GAMT: variants seen among roughly 807,000 people sequenced by gnomAD.
GAMT encodes guanidinoacetate N-methyltransferase, also known as epididymis secretory protein Li 20.
A neutral mutation model predicts 26.9 loss-of-function variants in GAMT; 26 were observed. The observed-to-expected ratio is 0.97, with a 90% CI of 0.71 to 1.34. GAMT has a LOEUF of 1.34. Among genes scored for constraint, GAMT ranks in the 40% most tolerant of loss-of-function variants. The pLI is 0.00. For missense variants in GAMT, 412 were observed against 345.0 expected (o/e 1.19, Z -1.54); for synonymous variants, 169 against 149.6 (o/e 1.13, Z -0.95).
rs2082620041 is a variant in GAMT, at chr19:1,399,416, C to G, written c.391+108G>C. On this transcript the variant is annotated intron_variant, in intron 3 of 5. Transcript: ENST00000252288. This position sits in a 1 kb window ranked among gnomAD's most constrained non-coding sequence, Gnocchi z 6.2. Reference sequence around the variant, plus strand: ...CATCCCACAGCCAGGCCCACACCCACTTGGGCTCTGTCCCCCCAGTGCACA... The same window carrying G: ...CATCCCACAGCCAGGCCCACACCCAGTTGGGCTCTGTCCCCCCAGTGCACA... 4.3e-6 allele frequency: 5 copies of G among 1,161,190 alleles called. No individual in the cohort carries two copies. Among genetic ancestry groups the G allele is most frequent in the Middle Eastern group, 2.6e-4 (1 of 3,914 alleles). 71.9% of individuals were successfully genotyped at this position (1,161,190 alleles called of 1,614,324 possible). A position where few individuals can be genotyped will look rare whatever the true frequency, so the allele number is the denominator to read the frequency against.
rs1044243937 is a variant in GAMT at position 1,399,678 on chromosome 19, C to T, written c.328-91G>A. On this transcript the variant is annotated intron_variant, in intron 2 of 5. Transcript: ENST00000252288. The surrounding 1 kb of genome is among the most constrained non-coding windows in gnomAD (Gnocchi z 6.2). ...GAAAGGGAGCGGCCAGGGGGACTCC[C>T]GAGAGAGAAGACCACCTCCTCCACC... is the stretch of plus-strand genomic sequence containing the variant. 13 of 1,526,534 alleles carry T rather than the reference C, an allele frequency of 8.5e-6. No individual in the cohort carries two copies. Among genetic ancestry groups the T allele is most frequent in the Middle Eastern group, 1.7e-4 (1 of 5,904 alleles). The allele number at this position is 1,526,534 out of a possible 1,614,324, so 94.6% of individuals were successfully genotyped here.
chr19:1,398,168 G>C, intron 5 of GAMT: 1 of 818,796 alleles, frequency 1.2e-6, no homozygotes, highest in Non-Finnish European at 1.5e-6. Flanking sequence ...TGCAATCTCG[G>C]CTCACAGCAA....
In GAMT at chr19:1,397,117, G is replaced by A. The variant is rs748027299; in HGVS notation, c.*242C>T. On this transcript the variant is annotated 3_prime_UTR_variant, in exon 6 of 6. Transcript: ENST00000252288. ...CTGCCGACTGGCCAAGCCCAGCGCCGGCGTTTACTTCACCTCAGGGACCCT... is the reference window on the plus strand; with the variant it reads ...CTGCCGACTGGCCAAGCCCAGCGCCAGCGTTTACTTCACCTCAGGGACCCT... 14 of 539,318 alleles carry A rather than the reference G, an allele frequency of 2.6e-5. No individual in the cohort carries two copies. The highest frequency in any genetic ancestry group is 5.0e-4 in the Middle Eastern group (1 of 2,020). 33.4% of individuals were successfully genotyped at this position (539,318 alleles called of 1,614,324 possible). A position where few individuals can be genotyped will look rare whatever the true frequency, so the allele number is the denominator to read the frequency against.
Position 1,399,546 on chromosome 19 carries a change from G to T in GAMT, c.369C>A (p.Thr123=). Residue 123 remains threonine, a synonymous_variant, in exon 3 of 6, where the codon ACC becomes ACA. Transcript: ENST00000252288. This position sits in a 1 kb window ranked among gnomAD's most constrained non-coding sequence, Gnocchi z 6.2. The stretch of plus-strand genomic sequence containing the variant: ...CACCATCAAAGTGACCGTCAGGCAG[G>T]GTGGGTGCCACATCCTCCCACAGGC... ...LKGLWEDVAP[T]LPDGHFDGIL... is the part of the protein sequence containing the mutation. 2 of 1,613,212 alleles carry T rather than the reference G, an allele frequency of 1.2e-6. No individual in the cohort carries two copies. Among genetic ancestry groups the T allele is most frequent in the Non-Finnish European group, 1.7e-6 (2 of 1,179,820 alleles).
At chr19:1,398,181 T>C in intron 5 of GAMT, 3 of 678,350 alleles carry the variant, frequency 4.4e-6, no homozygotes, top group East Asian at 1.3e-4. Flanking sequence ...CACAGCAACC[T>C]CCGCCTCCCA....
At position 1,398,752 on chromosome 19, in the gene GAMT, G is replaced by A. The variant is rs758431841; in HGVS notation, c.570+164C>T. 4.7e-5 allele frequency: 72 copies of A among 1,547,374 alleles called. 1 individual carries two copies. The East Asian group carries it at 1.4e-3, about 31-fold the overall frequency. ...AGCCACTGCTCCTGGCAGCCACTGC[G>A]CCAGGCAAAGGACTTTGATTTCTAA... is the stretch of plus-strand genomic sequence containing the variant. On this transcript the variant is annotated intron_variant, in intron 5 of 5. Coordinates refer to ENST00000252288, the MANE Select transcript of GAMT (RefSeq NM_000156.6).
At chr19:1,398,023 G>A (rs1320822376) in intron 5 of GAMT, 3 of 1,024,074 alleles carry the variant, frequency 2.9e-6, no homozygotes, top group African/African-American at 3.4e-5. Flanking sequence ...AACACGCAGG[G>A]CTTAGGCTGA....
Position 1,397,197 on chromosome 19 carries a change from CA to C in GAMT, c.*161del. The C allele has an allele frequency of 5.0e-6, 4 of 802,676 alleles. No homozygotes were observed. The highest frequency in any genetic ancestry group is 5.9e-6 in the Non-Finnish European group (3 of 510,084). The allele number at this position is 802,676 out of a possible 1,614,324, so 49.7% of individuals were successfully genotyped here. On this transcript the variant is annotated 3_prime_UTR_variant, in exon 6 of 6. Transcript: ENST00000252288. ...AGCTGGGAAAGCTGCTGGTGACACA[CA>C]GCTGGGATCAGCCCTGGGCTGGTGG... is the stretch of plus-strand genomic sequence containing the variant.
rs758371494 is a variant in GAMT at position 1,398,963 on chromosome 19, C to G, written c.523G>C (p.Gly175Arg). 5.0e-6 allele frequency: 8 copies of G among 1,613,416 alleles called. No homozygotes were observed. The highest frequency in any genetic ancestry group is 1.3e-5 in the African/African-American group (1 of 75,034). ...VLTYCNLTSW[G>R]ELMKSKYSDI... ...GAGTACTTGGACTTCATCAGCTCCC[C>G]CCAGGAGGTGAGGTTGCAGTAGGTG... The change falls in exon 5 of 6, where the codon GGG becomes CGG. Residue 175 changes from glycine to arginine, a missense_variant. By Grantham distance (125) the Gly-to-Arg change is moderately radical. Transcript: ENST00000252288.
intron 1 of GAMT, among the ~76,000 whole-genome samples, chr19:1,400,162 T>C (rs1291935706): frequency 7.2e-5 from 2 of 27,640 alleles, no homozygotes; most frequent in African/African-American, 2.8e-4. Flanking sequence ...GAGGAGGGGG[T>C]GCGGGGCAGG....
Position 1,399,626 on chromosome 19 carries a change from G to A in GAMT, c.328-39C>T. ...AAAGAAAAAGAGAGGACAGGGTAGA[G>A]AGGTCCCCAGGATCTCCCCACCTGC... On this transcript the variant is annotated intron_variant, in intron 2 of 5. Coordinates refer to ENST00000252288, the MANE Select transcript of GAMT (RefSeq NM_000156.6). The surrounding 1 kb of genome is among the most constrained non-coding windows in gnomAD (Gnocchi z 6.2). The A allele has an allele frequency of 1.9e-6, 3 of 1,593,376 alleles. No homozygotes were observed. Among genetic ancestry groups the A allele is most frequent in the Non-Finnish European group, 2.6e-6 (3 of 1,168,016 alleles).
Position 1,399,057 on chromosome 19 carries a change from C to T in GAMT, c.460-31G>A, listed in dbSNP as rs55776826. On this transcript the variant is annotated intron_variant, in intron 4 of 5. Coordinates refer to ENST00000252288, the MANE Select transcript of GAMT (RefSeq NM_000156.6). The surrounding 1 kb of genome is among the most constrained non-coding windows in gnomAD (Gnocchi z 6.2). ...GAAGGGGAGTGGCCAGTGGTCAGGA[C>T]GGAGGTGGGGGTGTGGGCAGAGGGG... 230,601 of 1,613,130 alleles carry T rather than the reference C, an allele frequency of 0.14. 17,240 individuals are homozygous for T. The highest frequency in any genetic ancestry group is 0.16 in the African/African-American group (11,936 of 74,990).
chr19:1,401,273 G>C (rs1207174480), intron 1 of GAMT, 23 bp downstream of exon 1: 1 of 1,432,194 alleles, frequency 7.0e-7, no homozygotes, highest in Non-Finnish European at 9.2e-7. Flanking sequence ...CCCCGGGGGC[G>C]GTGCAGGCCG....
intron 5 of GAMT, 35 bp downstream of exon 5, chr19:1,398,881 C>G (rs747144526): frequency 6.2e-7 from 1 of 1,611,892 alleles, no homozygotes. Flanking sequence ...AAGGTCACTT[C>G]CTGGAGACCC....
At position 1,397,399 on chromosome 19, in the gene GAMT, G is replaced by A. The variant is rs765117812; in HGVS notation, c.671C>T (p.Ala224Val). 3.7e-6 allele frequency: 6 copies of A among 1,612,512 alleles called. No individual in the cohort carries two copies. In the South Asian group the frequency reaches 5.5e-5, roughly 15 times the overall value. The part of the protein sequence containing the change: ...LVPPADCRYY[A>V]FPQMITPLVT... ...CAGGGGCGTGATCATCTGTGGGAAG[G>A]CGTAGTAGCGGCAGTCGGCCGGTGG... is the stretch of plus-strand genomic sequence containing the variant. Residue 224 changes from alanine to valine, a missense_variant, in exon 6 of 6, where the codon GCC becomes GTC. Coordinates refer to ENST00000252288, the MANE Select transcript of GAMT (RefSeq NM_000156.6).
Position 1,399,307 on chromosome 19 carries a change from G to C in GAMT, c.392-112C>G, listed in dbSNP as rs1355231687. On this transcript the variant is annotated intron_variant, in intron 3 of 5. Coordinates refer to ENST00000252288, the MANE Select transcript of GAMT (RefSeq NM_000156.6). This position sits in a 1 kb window ranked among gnomAD's most constrained non-coding sequence, Gnocchi z 6.2. ...GTGCAGTGAGACGGGGCCGTGGGTA[G>C]AGGTGGGGCTCCCACACAGGCTTGA... The C allele has an allele frequency of 2.5e-5, 32 of 1,261,372 alleles. No homozygotes were observed. The highest frequency in any genetic ancestry group is 2.4e-5 in the Non-Finnish European group (21 of 867,570). The allele number at this position is 1,261,372 out of a possible 1,614,324, so 78.1% of individuals were successfully genotyped here. A position where few individuals can be genotyped will look rare whatever the true frequency, so the allele number is the denominator to read the frequency against.
chr19:1,400,268 G>A (rs1165605557), intron 1 of GAMT, among the ~76,000 whole-genome samples: 1 of 150,042 alleles, frequency 6.7e-6, no homozygotes, highest in Non-Finnish European at 1.5e-5. Context: ...CTGGAGGAGG[G>A]GGCACAGGGT....
chr19:1,397,693 A>G (rs2082608750), intron 5 of GAMT, 194 bp from the exon 6 acceptor site: 37 of 1,394,324 alleles, frequency 2.7e-5, no homozygotes, highest in Admixed American at 4.9e-5. Context: ...TGCGGGCAGC[A>G]GCTTCCCGGC....
In GAMT at chr19:1,397,401, G is replaced by A. The variant is rs762954251; in HGVS notation, c.669C>T (p.Tyr223=). The change falls in exon 6 of 6, where the codon TAC becomes TAT. Residue 223 remains tyrosine (Y), a synonymous_variant. Transcript: ENST00000252288. ...ALVPPADCRY[Y]AFPQMITPLV... The stretch of plus-strand genomic sequence containing the variant: ...GGGGCGTGATCATCTGTGGGAAGGC[G>A]TAGTAGCGGCAGTCGGCCGGTGGGA... 2.7e-5 allele frequency: 43 copies of A among 1,612,302 alleles called. No individual in the cohort carries two copies. The highest frequency in any genetic ancestry group is 4.0e-5 in the African/African-American group (3 of 74,920).
Sources: gnomAD v4.1 joint callset for allele counts (sites outside exome capture counted in the v4.1 genomes callset) on GRCh38, gnomAD v4.1.1 for gene constraint, Gnocchi (gnomAD v3.1) non-coding constraint, MANE v1.5 for transcripts, NCBI Gene and HGNC (gene_info 2026-07-23, HGNC 2026-07-21) for gene names.